KCNMB2: variants seen among roughly 807,000 people sequenced by gnomAD.
KCNMB2 encodes calcium-activated potassium channel subunit beta-2.
Under a neutral mutation model 24.5 loss-of-function variants are expected in KCNMB2, and 9 were observed. That is an observed-to-expected ratio of 0.37 (90% CI 0.22 to 0.64). The LOEUF (loss-of-function observed/expected upper bound fraction) is 0.64. KCNMB2 is among the 30% of genes least tolerant of loss of function. The probability of loss-of-function intolerance (pLI) is 0.63; values close to 1 mark genes in which losing one functional copy is unlikely to be tolerated. For synonymous variants in KCNMB2, 109 were observed against 104.4 expected (o/e 1.04, Z -0.27); for missense variants, 226 against 284.3 (o/e 0.79, Z 1.47).
At chr3:178,623,037 G>C (rs966315679) in intron 1 of KCNMB2, among the ~76,000 whole-genome samples, 2 of 152,216 alleles carry the variant, frequency 1.3e-5, no homozygotes, top group African/African-American at 4.8e-5. Flanking sequence ...AGTAGTCTAA[G>C]TGAATAGCAA....
chr3:178,716,295 G>A (rs892249665), intron 1 of KCNMB2, among the ~76,000 whole-genome samples: 1 of 152,136 alleles, frequency 6.6e-6, no homozygotes, highest in Non-Finnish European at 1.5e-5. Context: ...AAACATTCAC[G>A]TTATCACATT....
At chr3:178,834,696 T>C (rs1382448239) in intron 4 of KCNMB2, among the ~76,000 whole-genome samples, 5 of 152,136 alleles carry the variant, frequency 3.3e-5, no homozygotes, top group Admixed American at 2.6e-4. Flanking sequence ...AATTTGGCAT[T>C]TGACATCCCA....
At chr3:178,543,649 G>T (rs896621875) in intron 1 of KCNMB2, among the ~76,000 whole-genome samples, 1 of 152,142 alleles carries the variant, frequency 6.6e-6, no homozygotes, top group African/African-American at 2.4e-5. Context: ...TCAATTCTGA[G>T]CTTCATTCTG....
Position 178,568,839 on chromosome 3 carries a change from A to AGAT in KCNMB2, c.-68+32129_-68+32131dup, listed in dbSNP as rs1491023442. Among the ~76,000 whole-genome samples, 17 of 78,652 alleles carry AGAT rather than the reference A, an allele frequency of 2.2e-4. 2 individuals are homozygous for AGAT. Among genetic ancestry groups the AGAT allele is most frequent in the East Asian group, 5.0e-4 (1 of 2,012 alleles). 51.6% of individuals were successfully genotyped at this position (78,652 alleles called of 152,430 possible). A position where few individuals can be genotyped will look rare whatever the true frequency, so the allele number is the denominator to read the frequency against. ...GATAATAGATAGATAGATGATAGAT[A>AGAT]GATAGATAGATAGATGATAGATAGA... On this transcript the variant is annotated intron_variant, in intron 1 of 4. Coordinates refer to ENST00000452583, the MANE Select transcript of KCNMB2 (RefSeq NM_181361.3).
At chr3:178,839,186 T>TA (rs66510741) in intron 4 of KCNMB2, among the ~76,000 whole-genome samples, 93,807 of 147,994 alleles carry the variant, frequency 0.63, 30,855 homozygotes, top group African/African-American at 0.83. Context: ...TTTCCAAACT[T>TA]AAAAAAAAAA....
At chr3:178,786,134 G>A (rs1216476453) in intron 1 of KCNMB2, among the ~76,000 whole-genome samples, 2 of 152,152 alleles carry the variant, frequency 1.3e-5, no homozygotes, top group Non-Finnish European at 2.9e-5. Flanking sequence ...AGGGCTGAAT[G>A]ACTCAGTTTC....
intron 1 of KCNMB2, among the ~76,000 whole-genome samples, chr3:178,667,494 T>C (rs1007243414): frequency 2.0e-5 from 3 of 152,124 alleles, no homozygotes; most frequent in Non-Finnish European, 4.4e-5. Flanking sequence ...GATGCCTTGA[T>C]CTTAGACTTC....
At chr3:178,644,149 C>T (rs540878130) in intron 1 of KCNMB2, among the ~76,000 whole-genome samples, 14 of 152,296 alleles carry the variant, frequency 9.2e-5, no homozygotes, top group African/African-American at 3.4e-4. Flanking sequence ...AAGTACTCCA[C>T]CAGAATGCCT....
At chr3:178,555,171 C>A (rs574732103) in intron 1 of KCNMB2, among the ~76,000 whole-genome samples, 1 of 152,294 alleles carries the variant, frequency 6.6e-6, no homozygotes, top group East Asian at 1.9e-4. Flanking sequence ...CTGGGAAGTT[C>A]CAAGAACAAT....
At chr3:178,807,564 T>C in intron 2 of KCNMB2, 99 bp downstream of exon 2, 1 of 1,005,724 alleles carries the variant, frequency 9.9e-7, no homozygotes, top group South Asian at 1.4e-5. Context: ...AGCCTTATGC[T>C]TTGCAATGTG....
At chr3:178,555,224 C>T (rs1347899544) in intron 1 of KCNMB2, among the ~76,000 whole-genome samples, 1 of 152,178 alleles carries the variant, frequency 6.6e-6, no homozygotes, top group Non-Finnish European at 1.5e-5. Context: ...TACTCTTTCT[C>T]AATAAAATAA....
rs201627319 is a variant in KCNMB2, at chr3:178,759,434, G to GAT, written c.-67-47886_-67-47885dup. On this transcript the variant is annotated intron_variant, in intron 1 of 4. Coordinates refer to ENST00000452583, the MANE Select transcript of KCNMB2 (RefSeq NM_181361.3). ...ATATATATATATATCTCTCCAAGAG[G>GAT]ATATATATATATATATATATATATC... is the stretch of plus-strand genomic sequence containing the variant. Among the ~76,000 whole-genome samples, 25 of 17,628 alleles carry GAT rather than the reference G, an allele frequency of 1.4e-3. 7 individuals carry two copies. Among genetic ancestry groups the GAT allele is most frequent in the Non-Finnish European group, 2.2e-3 (24 of 10,942 alleles). The allele number at this position is 17,628 out of a possible 152,430, so 11.6% of individuals were successfully genotyped here. A position where few individuals can be genotyped will look rare whatever the true frequency, so the allele number is the denominator to read the frequency against.
chr3:178,697,300 A>C (rs1333806480), intron 1 of KCNMB2, among the ~76,000 whole-genome samples: 4 of 152,198 alleles, frequency 2.6e-5, no homozygotes, highest in Non-Finnish European at 5.9e-5. Context: ...TGTTGGGTAC[A>C]TATATATTTA....
intron 1 of KCNMB2, among the ~76,000 whole-genome samples, chr3:178,676,920 C>T (rs1354243238): frequency 6.6e-6 from 1 of 152,102 alleles, no homozygotes. Context: ...GCCTAATCCC[C>T]GTGTCAGATG....
At chr3:178,766,514 G>A (rs1712128138) in intron 1 of KCNMB2, among the ~76,000 whole-genome samples, 1 of 152,102 alleles carries the variant, frequency 6.6e-6, no homozygotes, top group Non-Finnish European at 1.5e-5. Flanking sequence ...TTTCATACAT[G>A]TGATTTGGCA....
At chr3:178,751,968 G>T (rs1474663099) in intron 1 of KCNMB2, among the ~76,000 whole-genome samples, 4 of 152,176 alleles carry the variant, frequency 2.6e-5, no homozygotes. Context: ...GAAGTTAACT[G>T]GTAGAAGCAA....
intron 1 of KCNMB2, among the ~76,000 whole-genome samples, chr3:178,772,815 A>C (rs1214022736): frequency 6.6e-6 from 1 of 152,194 alleles, no homozygotes; most frequent in Non-Finnish European, 1.5e-5. Context: ...TGTCTTGTCT[A>C]ACTGATGGTA....
intron 1 of KCNMB2, among the ~76,000 whole-genome samples, chr3:178,667,220 G>A (rs1233997517): frequency 1.3e-5 from 2 of 152,036 alleles, no homozygotes; most frequent in African/African-American, 4.8e-5. Flanking sequence ...TATAAAAAGA[G>A]GAAATTAAGA....
At chr3:178,729,982 T>G (rs1015440384) in intron 1 of KCNMB2, among the ~76,000 whole-genome samples, 6 of 152,188 alleles carry the variant, frequency 3.9e-5, no homozygotes, top group African/African-American at 1.4e-4. Flanking sequence ...AAACTGAGAT[T>G]GACAAAATAG....
Sources: allele counts gnomAD v4.1 joint callset (sites outside exome capture counted in the v4.1 genomes callset), GRCh38; gene constraint gnomAD v4.1.1; transcripts MANE v1.5; gene names NCBI Gene and HGNC (gene_info 2026-07-23, HGNC 2026-07-21).